SPATA45: variants seen among roughly 807,000 people sequenced by gnomAD.
The protein encoded by SPATA45 is spermatogenesis associated 45.
In SPATA45, 5 loss-of-function variants were observed where a neutral mutation model predicts 7.0. The ratio of observed to expected loss-of-function variants is 0.71; its 90% CI spans 0.37 to 1.50. SPATA45 has a LOEUF of 1.50. Among genes scored for constraint, SPATA45 ranks in the 40% most tolerant of loss-of-function variants. The pLI is 0.03. For missense variants in SPATA45, 111 were observed against 114.9 expected (o/e 0.97, Z 0.16); for synonymous variants, 40 against 38.7 (o/e 1.03, Z -0.13).
Position 212,835,876 on chromosome 1 carries a change from T to C in SPATA45, c.274A>G (p.Lys92Glu), listed in dbSNP as rs1431175951. The change falls in exon 2 of 3, where the codon AAA becomes GAA. Residue 92 changes from lysine (K) to glutamate (E), a missense_variant. By Grantham distance (56) the Lys-to-Glu change is moderately conservative. Coordinates refer to ENST00000332912, the MANE Select transcript of SPATA45 (RefSeq NM_001024601.3). ...AHMERKHFPP[K>E]NNAIFG The stretch of plus-strand genomic sequence containing the variant: ...AAATCCTATGATAACTTCTTACTTT[T>C]TGGTGGAAAGTGCTTTCTCTCCATG... 5 of 1,581,382 alleles carry C rather than the reference T, an allele frequency of 3.2e-6. No individual in the cohort carries two copies. The highest frequency in any genetic ancestry group is 1.2e-5 in the South Asian group (1 of 84,784).
At chr1:212,841,169 T>G (rs569074873) in intron 1 of SPATA45, among the ~76,000 whole-genome samples, 3 of 152,190 alleles carry the variant, frequency 2.0e-5, no homozygotes, top group Admixed American at 6.5e-5. Flanking sequence ...TTTTTTTTCT[T>G]TTCTTTTGAG....
At chr1:212,836,909 G>T (rs981829436) in intron 1 of SPATA45, among the ~76,000 whole-genome samples, 1 of 147,436 alleles carries the variant, frequency 6.8e-6, no homozygotes, top group African/African-American at 2.5e-5. Flanking sequence ...CACCCGCCTC[G>T]GCCTCCCAAA....
At chr1:212,840,509 G>A (rs1437438960) in intron 1 of SPATA45, among the ~76,000 whole-genome samples, 1 of 152,134 alleles carries the variant, frequency 6.6e-6, no homozygotes, top group Non-Finnish European at 1.5e-5. Flanking sequence ...CCAGGCTGGA[G>A]TGCAGGTTCA....
intron 1 of SPATA45, among the ~76,000 whole-genome samples, chr1:212,844,725 GC>G (rs1320145887): frequency 1.3e-5 from 2 of 152,064 alleles, no homozygotes; most frequent in Non-Finnish European, 2.9e-5. Flanking sequence ...CTCTAAATAT[GC>G]CTTCCATATC....
intron 1 of SPATA45, among the ~76,000 whole-genome samples, chr1:212,845,245 T>A (rs1238181923): frequency 6.6e-6 from 1 of 152,154 alleles, no homozygotes; most frequent in Non-Finnish European, 1.5e-5. Context: ...ACTATTCTAC[T>A]ACCCCTCAGG....
intron 2 of SPATA45, among the ~76,000 whole-genome samples, chr1:212,835,580 C>T (rs527602338): frequency 1.5e-4 from 22 of 150,682 alleles, no homozygotes; most frequent in African/African-American, 5.3e-4. Context: ...TGCCTGTAAT[C>T]GCAGCACTTT....
intron 1 of SPATA45, among the ~76,000 whole-genome samples, chr1:212,837,715 T>C (rs1442916472): frequency 6.6e-6 from 1 of 151,770 alleles, no homozygotes; most frequent in Non-Finnish European, 1.5e-5. Flanking sequence ...GGTGGGAGGA[T>C]CACTTAAGCC....
chr1:212,840,908 G>A (rs1329002103), intron 1 of SPATA45, among the ~76,000 whole-genome samples: 2 of 152,044 alleles, frequency 1.3e-5, no homozygotes, highest in Non-Finnish European at 2.9e-5. Context: ...CTGAGCCACC[G>A]CACCCGGCTC....
intron 2 of SPATA45, among the ~76,000 whole-genome samples, chr1:212,833,893 A>G (rs1051701114): frequency 4.6e-5 from 7 of 151,836 alleles, no homozygotes; most frequent in Non-Finnish European, 1.0e-4. Flanking sequence ...CTTTTGGCCT[A>G]TCTTGGCTTT....
intron 2 of SPATA45, among the ~76,000 whole-genome samples, 193 bp from the exon 3 acceptor site, chr1:212,830,454 G>A (rs1424330112): frequency 1.3e-5 from 2 of 150,986 alleles, no homozygotes; most frequent in East Asian, 1.9e-4. Context: ...GGCGGATCAC[G>A]AGGTCAGGAG....
At chr1:212,845,301 T>G (rs1439642495) in intron 1 of SPATA45, among the ~76,000 whole-genome samples, 9 of 152,290 alleles carry the variant, frequency 5.9e-5, no homozygotes, top group Admixed American at 2.6e-4. Context: ...GCTTGGGGAT[T>G]TGCCCCTGCC....
At position 212,844,536 on chromosome 1, in the gene SPATA45, C is replaced by A. The variant is rs530804118; in HGVS notation, c.-39+3044G>T. On this transcript the variant is annotated intron_variant, in intron 1 of 2. Coordinates refer to ENST00000332912, the MANE Select transcript of SPATA45 (RefSeq NM_001024601.3). ...CTCACCCTGATCACACTATTGATGG[C>A]AGTTCCACCATGCCTAATCGCCACT... 2.6e-4 allele frequency among the ~76,000 whole-genome samples: 39 copies of A among 152,244 alleles called. No homozygotes were observed. The South Asian group carries it at 8.1e-3, about 32-fold the overall frequency.
At chr1:212,845,440 C>A (rs1663776287) in intron 1 of SPATA45, among the ~76,000 whole-genome samples, 1 of 152,192 alleles carries the variant, frequency 6.6e-6, no homozygotes. Flanking sequence ...CCACCGCAGT[C>A]ATTTCTTCCC....
At chr1:212,840,543 C>A (rs978588686) in intron 1 of SPATA45, among the ~76,000 whole-genome samples, 3 of 151,928 alleles carry the variant, frequency 2.0e-5, no homozygotes, top group African/African-American at 7.3e-5. Context: ...CCTCAGCCTC[C>A]CAAAGTAGCT....
chr1:212,830,745 G>C (rs1300642063), intron 2 of SPATA45, among the ~76,000 whole-genome samples: 12 of 145,634 alleles, frequency 8.2e-5, no homozygotes, highest in Admixed American at 7.5e-4. Context: ...CACTTTGAGA[G>C]ACTGAGGTGG....
chr1:212,847,071 T>C (rs1382472220), intron 1 of SPATA45, among the ~76,000 whole-genome samples: 1 of 152,006 alleles, frequency 6.6e-6, no homozygotes, highest in East Asian at 1.9e-4. Context: ...TTGTATTTTT[T>C]GTAGAGATGT....
intron 1 of SPATA45, among the ~76,000 whole-genome samples, chr1:212,843,975 T>A (rs1457235813): frequency 1.3e-5 from 2 of 152,066 alleles, no homozygotes; most frequent in Non-Finnish European, 2.9e-5. Context: ...CCATAAATCC[T>A]AAATCCTTTC....
chr1:212,846,781 G>T (rs147113050), intron 1 of SPATA45, among the ~76,000 whole-genome samples: 1,933 of 152,312 alleles, frequency 0.013, 31 homozygotes, highest in African/African-American at 0.045. Context: ...CTGTTTGGTG[G>T]TCTCTTCACA....
chr1:212,840,612 C>T (rs1244707826), intron 1 of SPATA45, among the ~76,000 whole-genome samples: 1 of 151,396 alleles, frequency 6.6e-6, no homozygotes, highest in Admixed American at 6.6e-5. Flanking sequence ...TGGGCCACCG[C>T]CCTCGCCTGT....
Sources: allele counts gnomAD v4.1 joint callset (sites outside exome capture counted in the v4.1 genomes callset), GRCh38; gene constraint gnomAD v4.1.1; transcripts MANE v1.5; gene names NCBI Gene and HGNC (gene_info 2026-07-23, HGNC 2026-07-21).